Variants in CTNNA2 observed in about 807,000 individuals in gnomAD.
CTNNA2 encodes the protein catenin alpha-2.
A neutral mutation model predicts 101.0 loss-of-function variants in CTNNA2; 42 were observed. That is an observed-to-expected ratio of 0.42 (90% CI 0.32 to 0.54). The LOEUF (loss-of-function observed/expected upper bound fraction) is 0.54, where lower values mean the gene tolerates loss of function less well. Among genes scored for constraint, CTNNA2 ranks in the 20% least tolerant of loss-of-function variants. CTNNA2 has a pLI of 0.14. For synonymous variants in CTNNA2, 450 were observed against 456.4 expected, an observed-to-expected ratio of 0.99 and a Z score of 0.18; for missense variants, 871 against 1,223.1, an observed-to-expected ratio of 0.71 and a Z score of 4.29.
At chr2:80,516,613 T>G (rs1474269130) in intron 9 of CTNNA2, among the ~76,000 whole-genome samples, 1 of 152,210 alleles carries the variant, frequency 6.6e-6, no homozygotes, top group Admixed American at 6.5e-5. Context: ...CATGTGAACT[T>G]TTTTAGTGTT....
chr2:79,860,275 A>G (rs1045385172), intron 4 of CTNNA2, among the ~76,000 whole-genome samples: 1 of 152,108 alleles, frequency 6.6e-6, no homozygotes, highest in Non-Finnish European at 1.5e-5. Context: ...TACATCTCAT[A>G]TGTCATTGTT....
intron 1 of CTNNA2, among the ~76,000 whole-genome samples, chr2:79,189,773 A>G (rs761829884): frequency 4.6e-5 from 7 of 152,150 alleles, no homozygotes; most frequent in African/African-American, 1.7e-4. Flanking sequence ...CTTGATGATT[A>G]CCTTTCAAAA....
intron 4 of CTNNA2, among the ~76,000 whole-genome samples, chr2:79,453,866 A>G (rs1670782593): frequency 6.6e-6 from 1 of 152,180 alleles, no homozygotes; most frequent in African/African-American, 2.4e-5. Context: ...AAATAGAGGT[A>G]AGTAGAATAG....
At chr2:79,268,985 T>G (rs2104296219) in intron 2 of CTNNA2, among the ~76,000 whole-genome samples, 1 of 152,236 alleles carries the variant, frequency 6.6e-6, no homozygotes, top group African/African-American at 2.4e-5. Context: ...TGGGGCTTGT[T>G]TCTCATTTTC....
intron 7 of CTNNA2, among the ~76,000 whole-genome samples, chr2:80,182,206 C>A (rs1705829527): frequency 6.6e-6 from 1 of 152,252 alleles, no homozygotes; most frequent in East Asian, 1.9e-4. Flanking sequence ...AGCCCAAGAG[C>A]CCCTGGTAAA....
At chr2:79,852,719 G>A (rs984145206) in intron 3 of CTNNA2, among the ~76,000 whole-genome samples, 7 of 152,232 alleles carry the variant, frequency 4.6e-5, no homozygotes, top group Admixed American at 3.9e-4. Context: ...AGCCTCCCAA[G>A]TAGCTGGGAC....
chr2:80,087,776 G>C (rs1374619793), intron 7 of CTNNA2, among the ~76,000 whole-genome samples: 1 of 152,024 alleles, frequency 6.6e-6, no homozygotes, highest in Non-Finnish European at 1.5e-5. Context: ...CATATGGCTG[G>C]TTTACAGCCC....
intron 15 of CTNNA2, among the ~76,000 whole-genome samples, chr2:80,596,293 T>TG (rs1696962606): frequency 1.6e-4 from 7 of 43,118 alleles, no homozygotes; most frequent in Non-Finnish European, 1.8e-4. Context: ...TTTTTTTTTT[T>TG]TTTTTTTTTT....
intron 1 of CTNNA2, among the ~76,000 whole-genome samples, chr2:79,545,553 TTAAC>T (rs1181125111): frequency 1.3e-5 from 2 of 152,200 alleles, no homozygotes; most frequent in Non-Finnish European, 2.9e-5. Context: ...ATCAAACACT[TTAAC>T]TATAAACACA....
At chr2:80,504,881 A>G (rs1365006675) in intron 9 of CTNNA2, among the ~76,000 whole-genome samples, 1 of 152,216 alleles carries the variant, frequency 6.6e-6, no homozygotes, top group Non-Finnish European at 1.5e-5. Context: ...TAAGGGTTCC[A>G]GTCAGGAAAG....
At chr2:80,026,631 T>G (rs1694949785) in intron 7 of CTNNA2, among the ~76,000 whole-genome samples, 2 of 152,164 alleles carry the variant, frequency 1.3e-5, no homozygotes, top group South Asian at 4.1e-4. Context: ...ACTGTCCTTT[T>G]GAAAATTAGC....
chr2:79,829,396 CACACACACACACACACACAGACACAA>C (rs1276729217), intron 3 of CTNNA2, among the ~76,000 whole-genome samples: 4 of 148,602 alleles, frequency 2.7e-5, no homozygotes, highest in African/African-American at 9.9e-5. Context: ...CACACACACA[CACACACACACACACACACAGACACAA>C]AGCCGGGCGA....
At chr2:79,414,185 C>T (rs138175111) in intron 4 of CTNNA2, among the ~76,000 whole-genome samples, 2 of 151,956 alleles carry the variant, frequency 1.3e-5, no homozygotes, top group South Asian at 2.1e-4. Context: ...CTCATCCCTC[C>T]ATTTTGTTTA....
rs561141225 is a variant in CTNNA2, at chr2:79,212,015, G to A, written c.-406+13939G>A. On this transcript the variant is annotated intron_variant, in intron 2 of 21. Coordinates refer to the CTNNA2 transcript ENST00000466387. ...AATTATTGATGATGGCCTGGATATG[G>A]TTTTGTATGAATTGAAAAACTAAAT... 6.6e-5 allele frequency among the ~76,000 whole-genome samples: 10 copies of A among 152,318 alleles called. No homozygotes were observed. In the South Asian group the frequency reaches 2.1e-3, roughly 32 times the overall value.
At chr2:79,302,948 A>G (rs1328037307) in intron 2 of CTNNA2, among the ~76,000 whole-genome samples, 1 of 152,236 alleles carries the variant, frequency 6.6e-6, no homozygotes, top group African/African-American at 2.4e-5. Flanking sequence ...AGAATAAAAC[A>G]TAAAGAGAAG....
At chr2:79,205,600 AG>A (rs1474953715) in intron 2 of CTNNA2, among the ~76,000 whole-genome samples, 1 of 152,174 alleles carries the variant, frequency 6.6e-6, no homozygotes, top group Non-Finnish European at 1.5e-5. Flanking sequence ...AGCTCATTAC[AG>A]TAATTCACTT....
chr2:79,645,356 C>T lies in CTNNA2; in HGVS notation c.-5-6196C>T, dbSNP rs886418600. Among the ~76,000 whole-genome samples the T allele has an allele frequency of 1.6e-4, 24 of 151,598 alleles. 1 individual carries two copies. Among genetic ancestry groups the T allele is most frequent in the Non-Finnish European group, 3.2e-4 (22 of 68,020 alleles). ...ATACTGCAGTTCCCTCATTTATAAA[C>T]GGGAGGTAATAGTAAAAGGTCATTA... On this transcript the variant is annotated intron_variant, in intron 1 of 18. Transcript: ENST00000402739.
At position 79,603,375 on chromosome 2, in the gene CTNNA2, A is replaced by AT. The variant is rs756478240; in HGVS notation, c.-5-48177_-5-48176insT. On this transcript the variant is annotated intron_variant, in intron 1 of 18. Transcript: ENST00000402739. ...TAAAACATACAAACTTAGACTATAA[A>AT]GGGGAAAATGGTGTATTCAGTTATT... is the stretch of plus-strand genomic sequence containing the variant. Among the ~76,000 whole-genome samples, 25 of 152,338 alleles carry AT rather than the reference A, an allele frequency of 1.6e-4. No homozygotes were observed. The East Asian group carries it at 4.8e-3, about 29-fold the overall frequency.
intron 8 of CTNNA2, among the ~76,000 whole-genome samples, chr2:80,403,002 C>G (rs1283500094): frequency 1.3e-5 from 2 of 151,424 alleles, no homozygotes; most frequent in Non-Finnish European, 2.9e-5. Context: ...TTAGGGGCTA[C>G]CAAAAAGCTC....
Sources: allele counts gnomAD v4.1 joint callset (sites outside exome capture counted in the v4.1 genomes callset), GRCh38; gene constraint gnomAD v4.1.1; transcripts MANE v1.5; gene names NCBI Gene and HGNC (gene_info 2026-07-23, HGNC 2026-07-21).